HRH2: variants seen among roughly 807,000 people sequenced by gnomAD.
The protein encoded by HRH2 is histamine receptor H2, also known as histamine H2 receptor.
In HRH2, 4 loss-of-function variants were observed where a neutral mutation model predicts 20.1. That is an observed-to-expected ratio of 0.20 (90% confidence interval 0.10 to 0.45). The LOEUF (loss-of-function observed/expected upper bound fraction) is 0.45, where lower values mean the gene tolerates loss of function less well. HRH2 is among the 20% of genes least tolerant of loss of function. The pLI, the probability that HRH2 is intolerant of heterozygous loss-of-function variation, is 0.99. For missense variants in HRH2, 250 were observed against 461.6 expected, an observed-to-expected ratio of 0.54 and a Z score of 4.20; for synonymous variants, 197 against 200.7, an observed-to-expected ratio of 0.98 and a Z score of 0.16.
In HRH2 at chr5:175,677,930, A is replaced by C. The variant is rs1384644471; in HGVS notation, c.-525-4779A>C. On this transcript the variant is annotated intron_variant, in intron 1 of 2. Transcript: ENST00000636584. The surrounding 1 kb of genome is among the most constrained non-coding windows in gnomAD (Gnocchi z 4.2). ...AGGCGTCTCAGGGTTCTTGGGCTAC[A>C]ACCCACCATCTTTCTCCTCCAAACG... Among the ~76,000 whole-genome samples the C allele has an allele frequency of 6.6e-6, 1 of 152,142 alleles. No homozygotes were observed. Among genetic ancestry groups the C allele is most frequent in the African/African-American group, 2.4e-5 (1 of 41,436 alleles).
chr5:175,683,740 T>C lies in HRH2; in HGVS notation c.507T>C (p.His169=). The change falls in exon 2 of 3, where the codon CAT becomes CAC. Residue 169 remains histidine (H), a synonymous_variant. Coordinates refer to ENST00000636584, the MANE Select transcript of HRH2 (RefSeq NM_001367711.1). ...GGAACGAGACCAGCAAGGGCAATCA[T>C]ACCACCTCTAAGTGCAAAGTCCAGG... is the stretch of plus-strand genomic sequence containing the variant. ...NSRNETSKGN[H]TTSKCKVQVN... 6.2e-7 allele frequency: 1 copy of C among 1,614,136 alleles called. No individual in the cohort carries two copies. Among genetic ancestry groups the C allele is most frequent in the Non-Finnish European group, 8.5e-7 (1 of 1,180,036 alleles).
At chr5:175,680,514 G>A (rs1037527199) in intron 1 of HRH2, among the ~76,000 whole-genome samples, 2 of 152,200 alleles carry the variant, frequency 1.3e-5, no homozygotes, top group African/African-American at 4.8e-5. Context: ...ACTGGAATAA[G>A]CCTGTCATCA....
At chr5:175,672,403 C>G (rs1209457990) in intron 1 of HRH2, among the ~76,000 whole-genome samples, 1 of 152,166 alleles carries the variant, frequency 6.6e-6, no homozygotes, top group Non-Finnish European at 1.5e-5. Context: ...CTCTGCCACG[C>G]TCGCCAGCCC....
At chr5:175,690,394 C>A (rs1756326977) in intron 2 of HRH2, among the ~76,000 whole-genome samples, 1 of 152,178 alleles carries the variant, frequency 6.6e-6, no homozygotes, top group African/African-American at 2.4e-5. Flanking sequence ...CTGTAAAATG[C>A]TGATAATCAT....
chr5:175,686,645 C>T lies in HRH2; in HGVS notation c.1076+2336C>T, dbSNP rs1023926813. On this transcript the variant is annotated intron_variant, in intron 2 of 2. Coordinates refer to ENST00000636584, the MANE Select transcript of HRH2 (RefSeq NM_001367711.1). This position sits in a 1 kb window ranked among gnomAD's most constrained non-coding sequence, Gnocchi z 4.7. The stretch of plus-strand genomic sequence containing the variant: ...TGGGGCTGGCGCATGGGCCCGGGAG[C>T]CCATCCCGGAGAGGAGACCTCTGAG... 2.6e-5 allele frequency among the ~76,000 whole-genome samples: 4 copies of T among 152,206 alleles called. No homozygotes were observed. Among genetic ancestry groups the T allele is most frequent in the Non-Finnish European group, 5.9e-5 (4 of 68,032 alleles).
chr5:175,706,993 G>C (rs185738962), intron 2 of HRH2, among the ~76,000 whole-genome samples: 2 of 152,258 alleles, frequency 1.3e-5, no homozygotes, highest in Admixed American at 6.5e-5. Context: ...TCCCCAACTC[G>C]GGGCATGCTG....
chr5:175,707,084 G>A (rs887177830), intron 2 of HRH2, among the ~76,000 whole-genome samples: 1 of 152,194 alleles, frequency 6.6e-6, no homozygotes, highest in Non-Finnish European at 1.5e-5. Flanking sequence ...GCCTGTGTGT[G>A]CTTACTTTTA....
At chr5:175,667,509 C>A (rs1392193628) in intron 1 of HRH2, among the ~76,000 whole-genome samples, 1 of 139,942 alleles carries the variant, frequency 7.1e-6, no homozygotes, top group Non-Finnish European at 1.5e-5. Context: ...ACAAAATAAC[C>A]AGTACGACCA....
At chr5:175,676,014 G>A (rs939799032) in intron 1 of HRH2, among the ~76,000 whole-genome samples, 1 of 149,886 alleles carries the variant, frequency 6.7e-6, no homozygotes, top group Non-Finnish European at 1.5e-5. Flanking sequence ...GCACACGTGT[G>A]TTCTCCCTTG....
At position 175,683,204 on chromosome 5, in the gene HRH2, G is replaced by A. The variant is rs758185755; in HGVS notation, c.-30G>A. 3 of 1,595,968 alleles carry A rather than the reference G, an allele frequency of 1.9e-6. No individual in the cohort carries two copies. Among genetic ancestry groups the A allele is most frequent in the African/African-American group, 2.7e-5 (2 of 74,616 alleles). On this transcript the variant is annotated 5_prime_UTR_variant, in exon 2 of 3. Transcript: ENST00000636584. ...CAGAGAAGAAGCAACCAGGGGCCCT[G>A]ATCAGGGGACTGAGCCGTAGAGTCC... is the stretch of plus-strand genomic sequence containing the variant.
intron 2 of HRH2, among the ~76,000 whole-genome samples, chr5:175,702,723 TTC>T (rs1324824501): frequency 3.5e-4 from 52 of 147,504 alleles, no homozygotes; most frequent in Non-Finnish European, 6.9e-4. Flanking sequence ...GGCTAATTTT[TTC>T]TTTTTTTTTT....
intron 2 of HRH2, among the ~76,000 whole-genome samples, chr5:175,696,694 A>G (rs567852521): frequency 1.1e-4 from 17 of 152,268 alleles, no homozygotes; most frequent in African/African-American, 4.1e-4. Flanking sequence ...GGGCTCCCAC[A>G]ACTTTGCTTC....
At chr5:175,697,848 G>A (rs912014999) in intron 2 of HRH2, among the ~76,000 whole-genome samples, 3 of 152,180 alleles carry the variant, frequency 2.0e-5, no homozygotes, top group Non-Finnish European at 4.4e-5. Flanking sequence ...CCTGTTCTCA[G>A]AGCATATCCC....
chr5:175,669,265 C>G (rs1264442843), intron 1 of HRH2, among the ~76,000 whole-genome samples: 2 of 152,156 alleles, frequency 1.3e-5, no homozygotes, highest in African/African-American at 4.8e-5. Flanking sequence ...AATCGTCTTT[C>G]ATCCCTGCCA....
Position 175,681,239 on chromosome 5 carries a change from G to A in HRH2, c.-525-1470G>A, listed in dbSNP as rs1004263826. On this transcript the variant is annotated intron_variant, in intron 1 of 2. Coordinates refer to ENST00000636584, the MANE Select transcript of HRH2 (RefSeq NM_001367711.1). The surrounding 1 kb of genome is among the most constrained non-coding windows in gnomAD (Gnocchi z 4.3). ...AAAAATAGTACCCGGAGGTTCAGCT[G>A]CCAGGACTGGTGGCTGAGCCAGGGA... is the stretch of plus-strand genomic sequence containing the variant. 5.3e-5 allele frequency among the ~76,000 whole-genome samples: 8 copies of A among 152,226 alleles called. No homozygotes were observed. Among genetic ancestry groups the A allele is most frequent in the African/African-American group, 1.9e-4 (8 of 41,460 alleles).
intron 1 of HRH2, among the ~76,000 whole-genome samples, chr5:175,669,092 G>C (rs1351171942): frequency 6.6e-6 from 1 of 152,024 alleles, no homozygotes; most frequent in Admixed American, 6.5e-5. Context: ...CGATCCTCCT[G>C]CCTCGGCCTT....
chr5:175,697,267 TC>T (rs1194290235), intron 2 of HRH2, among the ~76,000 whole-genome samples: 2 of 151,748 alleles, frequency 1.3e-5, no homozygotes, highest in African/African-American at 4.8e-5. Flanking sequence ...ATCGAGACCA[TC>T]CTGGCTAACA....
intron 2 of HRH2, chr5:175,685,323 G>C: frequency 7.5e-7 from 1 of 1,334,766 alleles, no homozygotes; most frequent in South Asian, 1.4e-5. Context: ...TTTAGCTGCT[G>C]AAAAGAGCAA....
chr5:175,675,853 G>A (rs939691477), intron 1 of HRH2, among the ~76,000 whole-genome samples: 2 of 152,170 alleles, frequency 1.3e-5, no homozygotes, highest in African/African-American at 4.8e-5. Flanking sequence ...AGATTGAAAA[G>A]GTCCCAAGAG....
Sources: allele counts gnomAD v4.1 joint callset (sites outside exome capture counted in the v4.1 genomes callset), GRCh38; gene constraint gnomAD v4.1.1; non-coding constraint Gnocchi (gnomAD v3.1); transcripts MANE v1.5; gene names NCBI Gene and HGNC (gene_info 2026-07-23, HGNC 2026-07-21).